RSPH3: variants seen among roughly 807,000 people sequenced by gnomAD.
RSPH3 encodes the protein radial spoke head 3.
RSPH3 carries 21 observed loss-of-function variants against 43.8 expected under a neutral mutation model. The observed-to-expected ratio is 0.48, with a 90% CI of 0.34 to 0.69. The LOEUF is 0.69. RSPH3 is among the 30% of genes least tolerant of loss of function. RSPH3 has a pLI of 0.01. For synonymous variants in RSPH3, 173 were observed against 179.8 expected (o/e 0.96, Z 0.30); for missense variants, 487 against 516.0 (o/e 0.94, Z 0.54).
At position 158,998,162 on chromosome 6, in the gene RSPH3, G is replaced by GT. The variant is rs879672567; in HGVS notation, c.116+1272dup. Among the ~76,000 whole-genome samples, 125 of 146,326 alleles carry GT rather than the reference G, an allele frequency of 8.5e-4. 2 individuals are homozygous for GT. Among genetic ancestry groups the GT allele is most frequent in the Middle Eastern group, 3.6e-3 (1 of 280 alleles). ...CTTTAAGAGAACTTTAAGAGTTTAT[G>GT]TTTTTTTTGCTGGGTGTGGTGGCTC... is the stretch of plus-strand genomic sequence containing the variant. On this transcript the variant is annotated intron_variant, in intron 1 of 7. Coordinates refer to ENST00000367069, the MANE Select transcript of RSPH3 (RefSeq NM_031924.8).
At chr6:158,996,899 G>C (rs953216794) in intron 1 of RSPH3, among the ~76,000 whole-genome samples, 10 of 152,168 alleles carry the variant, frequency 6.6e-5, no homozygotes, top group African/African-American at 2.4e-4. Context: ...AGTGGGAGGT[G>C]TTTGGAACAT....
chr6:158,963,551 T>C, the RSPH3 span, among the ~76,000 whole-genome samples: 4 of 145,052 alleles, frequency 2.8e-5, no homozygotes, highest in Non-Finnish European at 6.1e-5. Flanking sequence ...CTCCCTCCCT[T>C]CTTTCTTTTC....
rs749457687 is a variant in RSPH3 at position 158,999,926 on chromosome 6, C to T, written c.-376G>A. 10 of 1,611,392 alleles carry T rather than the reference C, an allele frequency of 6.2e-6. No individual in the cohort carries two copies. In the East Asian group the frequency reaches 2.2e-4, roughly 36 times the overall value. On this transcript the variant is annotated 5_prime_UTR_variant, in exon 1 of 8. Transcript: ENST00000367069. ...CGCCACCCAGGTAGGTGCGCCTGCG[C>T]TTTGCGAGGTTCCTGGCTAGGGAGG...
At chr6:158,970,805 C>T (rs1048367715), downstream of RSPH3, among the ~76,000 whole-genome samples, 1 of 152,150 alleles carries the variant, frequency 6.6e-6, no homozygotes, top group African/African-American at 2.4e-5. Flanking sequence ...CCTGCCTTGG[C>T]CTGCCAAAGT....
rs1011364887 is a variant in RSPH3, at chr6:158,989,935, G to T, written c.205-3514C>A. 2.0e-5 allele frequency among the ~76,000 whole-genome samples: 3 copies of T among 152,112 alleles called. No individual in the cohort carries two copies. Among genetic ancestry groups the T allele is most frequent in the Non-Finnish European group, 4.4e-5 (3 of 68,022 alleles). ...GGAAAGGCAGACCCACCCTTAATCG[G>T]GGTGGGCACAATCTAATCAACTGCC... On this transcript the variant is annotated intron_variant, in intron 2 of 7. Transcript: ENST00000367069. This position sits in a 1 kb window ranked among gnomAD's most constrained non-coding sequence, Gnocchi z 4.3.
At chr6:158,964,877 A>C in the RSPH3 span, among the ~76,000 whole-genome samples, 1 of 152,274 alleles carries the variant, frequency 6.6e-6, no homozygotes, top group East Asian at 1.9e-4. Flanking sequence ...CATATATAAG[A>C]AACCATTGTC....
intron 2 of RSPH3, 54 bp from the exon 3 acceptor site, chr6:158,986,475 C>T: frequency 1.4e-6 from 2 of 1,463,520 alleles, no homozygotes; most frequent in Middle Eastern, 2.1e-4. Context: ...TTAAAGCATA[C>T]AGGAACTGCC....
At position 158,976,149 on chromosome 6, in the gene RSPH3, C is replaced by G. The variant is rs1315937407; in HGVS notation, c.*1389G>C. On this transcript the variant is annotated 3_prime_UTR_variant, in exon 8 of 8. Coordinates refer to ENST00000367069, the MANE Select transcript of RSPH3 (RefSeq NM_031924.8). ...AGTGAGCTGTGATGGTGCTGCTGCA[C>G]TCCAGCCTGGGTGTCAGAGTGAGAC... 1 of 152,192 alleles carries G rather than the reference C, an allele frequency of 6.6e-6. No individual in the cohort carries two copies. Among genetic ancestry groups the G allele is most frequent in the African/African-American group, 2.4e-5 (1 of 41,442 alleles). 9.4% of individuals were successfully genotyped at this position (152,192 alleles called of 1,614,324 possible).
rs1447717147 is a variant in RSPH3 at position 158,999,443 on chromosome 6, C to T, written c.108G>A (p.Leu36=). 1 of 1,506,794 alleles carries T rather than the reference C, an allele frequency of 6.6e-7. No homozygotes were observed. Among genetic ancestry groups the T allele is most frequent in the Admixed American group, 2.2e-5 (1 of 45,638 alleles). 93.3% of individuals were successfully genotyped at this position (1,506,794 alleles called of 1,614,324 possible). The change falls in exon 1 of 8, where the codon CTG becomes CTA. Residue 36 remains leucine, a synonymous_variant. Coordinates refer to ENST00000367069, the MANE Select transcript of RSPH3 (RefSeq NM_031924.8). Reference sequence around the variant, plus strand: ...CTGGCTTGGTCACTCACGGCTGCGTCAGGCTGTCCCGGTAACGGCTGCGCT... The same window carrying T: ...CTGGCTTGGTCACTCACGGCTGCGTTAGGCTGTCCCGGTAACGGCTGCGCT... ...PCQRSRYRDS[L]TQPDEEPMHY... is the part of the protein sequence containing the mutation.
At chr6:158,988,814 C>T (rs764125968) in intron 2 of RSPH3, among the ~76,000 whole-genome samples, 1 of 152,082 alleles carries the variant, frequency 6.6e-6, no homozygotes, top group Non-Finnish European at 1.5e-5. Context: ...TCTTAGACAT[C>T]GCTGAATTTC....
At chr6:158,981,277 A>C (rs1757266122) in intron 5 of RSPH3, among the ~76,000 whole-genome samples, 1 of 152,220 alleles carries the variant, frequency 6.6e-6, no homozygotes, top group Admixed American at 6.5e-5. Context: ...TACTGGTAAG[A>C]AAAATTACCA....
At chr6:158,992,673 G>T (rs917319109) in intron 2 of RSPH3, among the ~76,000 whole-genome samples, 6 of 152,136 alleles carry the variant, frequency 3.9e-5, no homozygotes, top group African/African-American at 1.4e-4. Context: ...TCAGTGTTCA[G>T]TGGGTTTATT....
the RSPH3 span, among the ~76,000 whole-genome samples, chr6:158,967,009 A>G: frequency 0.018 from 2,692 of 151,012 alleles, 34 homozygotes; most frequent in Middle Eastern, 0.024. Context: ...GTTTTGGCAT[A>G]TTGTATTTTT....
At chr6:158,987,734 AAAG>A (rs1456733320) in intron 2 of RSPH3, among the ~76,000 whole-genome samples, 5 of 152,172 alleles carry the variant, frequency 3.3e-5, no homozygotes, top group Admixed American at 1.3e-4. Flanking sequence ...GCAAAGAAAA[AAAG>A]AAAAAAAATT....
chr6:158,977,918 C>T, intron 7 of RSPH3, 70 bp from the exon 8 acceptor site: 1 of 1,322,136 alleles, frequency 7.6e-7, no homozygotes, highest in Non-Finnish European at 1.0e-6. Flanking sequence ...TTATAATGCT[C>T]ACTTATAGAT....
chr6:158,965,120 AT>A, the RSPH3 span, among the ~76,000 whole-genome samples: 1 of 152,058 alleles, frequency 6.6e-6, no homozygotes, highest in South Asian at 2.1e-4. Flanking sequence ...AGATGTATGG[AT>A]TTATTTCTAG....
intron 2 of RSPH3, among the ~76,000 whole-genome samples, chr6:158,987,172 G>T (rs1156337891): frequency 6.6e-6 from 1 of 152,098 alleles, no homozygotes; most frequent in Non-Finnish European, 1.5e-5. Context: ...TGGGTGCATG[G>T]ATATTTATCA....
intron 3 of RSPH3, among the ~76,000 whole-genome samples, chr6:158,985,577 T>C (rs1404549906): frequency 6.6e-6 from 1 of 152,016 alleles, no homozygotes; most frequent in African/African-American, 2.4e-5. Flanking sequence ...ATTACAGGCG[T>C]GCACCACTAT....
chr6:158,967,715 C>T, the RSPH3 span, among the ~76,000 whole-genome samples: 7 of 152,256 alleles, frequency 4.6e-5, no homozygotes, highest in East Asian at 1.3e-3. Flanking sequence ...CTAATACTCC[C>T]TTTAATTCTA....
Sources: gnomAD v4.1 joint callset for allele counts (sites outside exome capture counted in the v4.1 genomes callset) on GRCh38, gnomAD v4.1.1 for gene constraint, Gnocchi (gnomAD v3.1) non-coding constraint, MANE v1.5 for transcripts, NCBI Gene and HGNC (gene_info 2026-07-23, HGNC 2026-07-21) for gene names.